ZMIZ1: variants seen among roughly 807,000 people sequenced by gnomAD.
The protein encoded by ZMIZ1 is zinc finger MIZ-type containing 1, also known as zinc finger MIZ domain-containing protein 1.
In ZMIZ1, 17 loss-of-function variants were observed where a neutral mutation model predicts 113.9. The observed-to-expected ratio is 0.15, with a 90% CI of 0.10 to 0.22. ZMIZ1 has a LOEUF of 0.22. Among genes scored for constraint, ZMIZ1 ranks in the 10% least tolerant of loss-of-function variants. The pLI is 1.00. For missense variants in ZMIZ1, 1,059 were observed against 1,477.8 expected (o/e 0.72, Z 4.65); for synonymous variants, 607 against 603.1 (o/e 1.01, Z -0.09).
At chr10:79,151,200 T>G (rs1254824842) in intron 3 of ZMIZ1, among the ~76,000 whole-genome samples, 1 of 152,146 alleles carries the variant, frequency 6.6e-6, no homozygotes, top group Non-Finnish European at 1.5e-5. Context: ...TGGCCACAGC[T>G]CAGACTCTGG....
chr10:79,120,460 G>C (rs1844243078), intron 2 of ZMIZ1, among the ~76,000 whole-genome samples: 1 of 152,232 alleles, frequency 6.6e-6, no homozygotes, highest in Non-Finnish European at 1.5e-5. Flanking sequence ...GCTTCCAGCA[G>C]CTCCTGGGAG....
At chr10:79,240,052 C>A (rs1470010628) in intron 7 of ZMIZ1, among the ~76,000 whole-genome samples, 1 of 152,210 alleles carries the variant, frequency 6.6e-6, no homozygotes, top group East Asian at 1.9e-4. Flanking sequence ...CTCCTCCTCG[C>A]CAGGGCCCAC....
intron 22 of ZMIZ1, 146 bp from the exon 23 acceptor site, chr10:79,307,259 C>T: frequency 6.7e-6 from 5 of 747,630 alleles, no homozygotes; most frequent in Non-Finnish European, 4.4e-6. Context: ...TATCCTACAG[C>T]CCGGAAGCCT....
At chr10:79,188,594 T>C (rs1436837860) in intron 4 of ZMIZ1, among the ~76,000 whole-genome samples, 1 of 152,152 alleles carries the variant, frequency 6.6e-6, no homozygotes, top group Non-Finnish European at 1.5e-5. Flanking sequence ...AGAGCCCAGC[T>C]TGGAGCTAGG....
At chr10:79,163,038 C>T (rs1846179309) in intron 4 of ZMIZ1, among the ~76,000 whole-genome samples, 1 of 149,604 alleles carries the variant, frequency 6.7e-6, no homozygotes, top group African/African-American at 2.6e-5. Flanking sequence ...CGAGGGTGAC[C>T]TGTGTAATCC....
chr10:79,193,534 T>C (rs975210706), intron 4 of ZMIZ1, among the ~76,000 whole-genome samples: 1 of 152,190 alleles, frequency 6.6e-6, no homozygotes, highest in South Asian at 2.1e-4. Flanking sequence ...CACCTGCCTG[T>C]TCACCCATCT....
intron 3 of ZMIZ1, among the ~76,000 whole-genome samples, chr10:79,141,378 A>T (rs1414765641): frequency 1.3e-5 from 2 of 152,202 alleles, no homozygotes; most frequent in Non-Finnish European, 2.9e-5. Context: ...GCTAAGTTTT[A>T]AGAAGACAAA....
chr10:79,154,037 T>C (rs6480923), intron 3 of ZMIZ1, among the ~76,000 whole-genome samples: 122,373 of 152,152 alleles, frequency 0.8, 49,636 homozygotes, highest in African/African-American at 0.89. Flanking sequence ...TGCCCTTCAG[T>C]GCCACGACCT....
At chr10:79,201,539 C>G in intron 4 of ZMIZ1, 45 bp from the exon 5 acceptor site, 1 of 1,445,034 alleles carries the variant, frequency 6.9e-7, no homozygotes, top group Non-Finnish European at 9.5e-7. Flanking sequence ...TCAAGGTTGG[C>G]AGGCCTGGCG....
In ZMIZ1 at chr10:79,312,942, G is replaced by A; in HGVS notation, c.*193G>A. The stretch of plus-strand genomic sequence containing the variant: ...GAGGGTGCACCAGTGCACCAGGAAG[G>A]CTGTGTGGGTCTGGAGCCCACGTCC... On this transcript the variant is annotated 3_prime_UTR_variant, in exon 25 of 25. Transcript: ENST00000334512. 1 of 596,672 alleles carries A rather than the reference G, an allele frequency of 1.7e-6. No individual in the cohort carries two copies. Among genetic ancestry groups the A allele is most frequent in the Non-Finnish European group, 3.0e-6 (1 of 337,566 alleles). The allele number at this position is 596,672 out of a possible 1,614,324, so 37.0% of individuals were successfully genotyped here. A position where few individuals can be genotyped will look rare whatever the true frequency, so the allele number is the denominator to read the frequency against.
At chr10:79,279,054 C>G (rs1031452116) in intron 8 of ZMIZ1, among the ~76,000 whole-genome samples, 4 of 145,578 alleles carry the variant, frequency 2.7e-5, no homozygotes, top group South Asian at 2.2e-4. Context: ...GGGCGGCGGC[C>G]GGGCGGGGGC....
Position 79,313,700 on chromosome 10 carries a change from C to T in ZMIZ1, c.*951C>T, listed in dbSNP as rs1397951426. On this transcript the variant is annotated 3_prime_UTR_variant, in exon 25 of 25. Coordinates refer to ENST00000334512, the MANE Select transcript of ZMIZ1 (RefSeq NM_020338.4). ...GCAACAATTTAAAGCTATGAAGTCA[C>T]CTGGAGAAAAGGAACGTTGCTCTTG... 2 of 286,016 alleles carry T rather than the reference C, an allele frequency of 7.0e-6. No individual in the cohort carries two copies. The highest frequency in any genetic ancestry group is 1.4e-5 in the Non-Finnish European group (2 of 144,834). The allele number at this position is 286,016 out of a possible 1,614,324, so 17.7% of individuals were successfully genotyped here.
chr10:79,072,180 G>A (rs1369675498), intron 1 of ZMIZ1, among the ~76,000 whole-genome samples: 2 of 152,184 alleles, frequency 1.3e-5, no homozygotes, highest in Non-Finnish European at 2.9e-5. Context: ...GGGGAGGAGG[G>A]TTCTTGTTCC....
intron 8 of ZMIZ1, among the ~76,000 whole-genome samples, chr10:79,288,047 G>A (rs1320453662): frequency 1.3e-5 from 2 of 152,236 alleles, no homozygotes; most frequent in African/African-American, 4.8e-5. Flanking sequence ...AAGAAAGCGA[G>A]GGGCTGGCCA....
chr10:79,291,570 G>A (rs933333504), intron 10 of ZMIZ1, among the ~76,000 whole-genome samples: 6 of 152,270 alleles, frequency 3.9e-5, no homozygotes, highest in Non-Finnish European at 8.8e-5. Context: ...GGGAATATCT[G>A]CTCTGCCTTG....
chr10:79,108,640 A>G (rs1250024354), intron 1 of ZMIZ1, among the ~76,000 whole-genome samples: 2 of 152,044 alleles, frequency 1.3e-5, no homozygotes, highest in African/African-American at 2.4e-5. Context: ...AGGAAAGCCA[A>G]ATACCAACCA....
At chr10:79,117,050 A>G (rs963075324) in intron 1 of ZMIZ1, among the ~76,000 whole-genome samples, 3 of 152,284 alleles carry the variant, frequency 2.0e-5, no homozygotes, top group Non-Finnish European at 4.4e-5. Flanking sequence ...AGATGGCCTC[A>G]GTCACACGGG....
chr10:79,133,673 C>T (rs551012616), intron 2 of ZMIZ1, among the ~76,000 whole-genome samples: 2 of 152,304 alleles, frequency 1.3e-5, no homozygotes, highest in East Asian at 3.9e-4. Flanking sequence ...TAAGCACCCC[C>T]CTCCCCCTTA....
chr10:79,312,565 G>A (rs1855258893), intron 24 of ZMIZ1, 77 bp from the exon 25 acceptor site: 5 of 1,493,506 alleles, frequency 3.3e-6, no homozygotes, highest in Middle Eastern at 1.7e-4. Context: ...GACGGGCCAG[G>A]GCGCCCCTGC....
Sources: gnomAD v4.1 joint callset for allele counts (sites outside exome capture counted in the v4.1 genomes callset) on GRCh38, gnomAD v4.1.1 for gene constraint, MANE v1.5 for transcripts, NCBI Gene and HGNC (gene_info 2026-07-23, HGNC 2026-07-21) for gene names.